Variants in KAT6A observed in about 807,000 individuals in gnomAD.
KAT6A encodes the protein lysine acetyltransferase 6A.
KAT6A carries 9 observed loss-of-function variants against 198.4 expected under a neutral mutation model. The ratio of observed to expected loss-of-function variants is 0.05; its 90% CI spans 0.03 to 0.08. The LOEUF (loss-of-function observed/expected upper bound fraction) is 0.08, where lower values mean the gene tolerates loss of function less well. Ranked by LOEUF, KAT6A falls within the 10% of genes least tolerant of loss-of-function variation. The pLI is 1.00. For missense variants in KAT6A, 2,077 were observed against 2,509.9 expected, an observed-to-expected ratio of 0.83 and a Z score of 3.69; for synonymous variants, 890 against 883.0, an observed-to-expected ratio of 1.01 and a Z score of -0.14.
chr8:41,991,836 G>T (rs1488197802), intron 2 of KAT6A, among the ~76,000 whole-genome samples: 1 of 151,952 alleles, frequency 6.6e-6, no homozygotes, highest in African/African-American at 2.4e-5. Flanking sequence ...TACAGAAATG[G>T]GATAAAGACT....
Position 41,930,034 on chromosome 8 carries a change from C to A in KAT6A, c.*2171G>T, listed in dbSNP as rs1821446959. Reference sequence around the variant, plus strand: ...CCAATATTACTGTGTTGGATAATTTCTTTTATAATATAGAAAAGAACTTTT... The same window carrying A: ...CCAATATTACTGTGTTGGATAATTTATTTTATAATATAGAAAAGAACTTTT... On this transcript the variant is annotated 3_prime_UTR_variant, in exon 17 of 17. Coordinates refer to ENST00000265713, the MANE Select transcript of KAT6A (RefSeq NM_006766.5). 8.9e-6 allele frequency: 2 copies of A among 224,646 alleles called. No individual in the cohort carries two copies. The highest frequency in any genetic ancestry group is 1.3e-4 in the East Asian group (2 of 15,612). The allele number at this position is 224,646 out of a possible 1,614,324, so 13.9% of individuals were successfully genotyped here. A position where few individuals can be genotyped will look rare whatever the true frequency, so the allele number is the denominator to read the frequency against.
In KAT6A at chr8:41,968,241, T is replaced by C. The variant is rs552638018; in HGVS notation, c.1482+6463A>G. ...ACCTACTCTTCTGACAAAGGGCTAA[T>C]ATACAGAATCTACAATGAACTCAAA... On this transcript the variant is annotated intron_variant, in intron 8 of 16. Coordinates refer to ENST00000265713, the MANE Select transcript of KAT6A (RefSeq NM_006766.5). Among the ~76,000 whole-genome samples the C allele has an allele frequency of 6.6e-5, 10 of 152,286 alleles. No individual in the cohort carries two copies. The East Asian group carries it at 7.7e-4, about 12-fold the overall frequency.
intron 6 of KAT6A, 52 bp from the exon 7 acceptor site, chr8:41,977,379 G>C (rs1043210332): frequency 2.2e-6 from 3 of 1,356,624 alleles, no homozygotes; most frequent in African/African-American, 2.9e-5. Flanking sequence ...TACTTGTAAG[G>C]TTCCTTTTTA....
chr8:41,979,713 A>C (rs533731377), intron 5 of KAT6A, among the ~76,000 whole-genome samples: 1 of 148,752 alleles, frequency 6.7e-6, no homozygotes, highest in East Asian at 2.1e-4. Flanking sequence ...TCAGTAAGTG[A>C]ATTCAGGCTG....
At chr8:41,952,792 C>A (rs1003462754) in intron 9 of KAT6A, among the ~76,000 whole-genome samples, 2 of 151,996 alleles carry the variant, frequency 1.3e-5, no homozygotes, top group African/African-American at 4.8e-5. Context: ...ATTTTAGTCA[C>A]CTCAAGTTTC....
chr8:41,969,849 C>G (rs559556641), intron 8 of KAT6A, among the ~76,000 whole-genome samples: 4 of 152,174 alleles, frequency 2.6e-5, no homozygotes, highest in African/African-American at 9.7e-5. Context: ...CTCTTTCACA[C>G]CCTTAGACGT....
chr8:41,972,643 A>T (rs1823854093), intron 8 of KAT6A, among the ~76,000 whole-genome samples: 1 of 152,228 alleles, frequency 6.6e-6, no homozygotes, highest in African/African-American at 2.4e-5. Flanking sequence ...ATGAAAGATA[A>T]AGACTGAGGA....
intron 2 of KAT6A, among the ~76,000 whole-genome samples, chr8:42,035,989 G>C (rs1288731187): frequency 6.6e-6 from 1 of 152,078 alleles, no homozygotes; most frequent in East Asian, 1.9e-4. Context: ...TCCTGAAAAA[G>C]AATGGAGAGA....
At chr8:42,005,086 T>C (rs894654828) in intron 2 of KAT6A, among the ~76,000 whole-genome samples, 25 of 152,182 alleles carry the variant, frequency 1.6e-4, no homozygotes, top group African/African-American at 5.5e-4. Flanking sequence ...TAACAATCCA[T>C]TGTATGACTA....
intron 2 of KAT6A, among the ~76,000 whole-genome samples, chr8:42,009,894 C>CAAAAAAAAAAAAAAAAAAAAAA (rs538642816): frequency 2.0e-5 from 1 of 49,058 alleles, no homozygotes; most frequent in Non-Finnish European, 4.1e-5. Context: ...AGCCCTGTCT[C>CAAAAAAAAAAAAAAAAAAAAAA]AAAAAAAAAA....
At chr8:41,935,452 C>G (rs1821799501) in intron 16 of KAT6A, among the ~76,000 whole-genome samples, 1 of 152,098 alleles carries the variant, frequency 6.6e-6, no homozygotes. Flanking sequence ...AGCTGCAAAG[C>G]ATTTATTTAG....
intron 2 of KAT6A, among the ~76,000 whole-genome samples, chr8:42,041,370 A>G (rs1353913419): frequency 6.6e-6 from 1 of 152,184 alleles, no homozygotes; most frequent in African/African-American, 2.4e-5. Flanking sequence ...TTAGTAACAA[A>G]TTTTTATTTC....
intron 2 of KAT6A, among the ~76,000 whole-genome samples, chr8:42,014,234 G>A (rs1186813516): frequency 6.6e-6 from 1 of 152,156 alleles, no homozygotes; most frequent in African/African-American, 2.4e-5. Flanking sequence ...GACGTGATGT[G>A]TGAGAAAAGA....
At chr8:41,995,543 T>G (rs1267406771) in intron 2 of KAT6A, among the ~76,000 whole-genome samples, 1 of 152,158 alleles carries the variant, frequency 6.6e-6, no homozygotes, top group Non-Finnish European at 1.5e-5. Flanking sequence ...TGCCCAATGC[T>G]CTCTGTTGAA....
intron 2 of KAT6A, among the ~76,000 whole-genome samples, chr8:42,001,954 A>G (rs888382815): frequency 2.6e-5 from 4 of 152,188 alleles, no homozygotes; most frequent in South Asian, 2.1e-4. Flanking sequence ...TTCACTATTT[A>G]CCCCAATTAT....
chr8:41,991,822 G>A (rs1263692233), intron 2 of KAT6A, among the ~76,000 whole-genome samples: 1 of 151,904 alleles, frequency 6.6e-6, no homozygotes, highest in African/African-American at 2.4e-5. Context: ...TAAGGAGAGG[G>A]GAGTACAGAA....
chr8:41,999,412 T>G (rs920229577), intron 2 of KAT6A, among the ~76,000 whole-genome samples: 1 of 152,186 alleles, frequency 6.6e-6, no homozygotes, highest in African/African-American at 2.4e-5. Flanking sequence ...TAGTTTCTTT[T>G]ACATGTTTGT....
At chr8:41,947,519 C>T (rs909155802) in intron 11 of KAT6A, among the ~76,000 whole-genome samples, 2 of 152,106 alleles carry the variant, frequency 1.3e-5, no homozygotes, top group Non-Finnish European at 2.9e-5. Context: ...CATTTAAAAC[C>T]TTCCCCGTGA....
At chr8:41,939,378 T>C (rs564253671) in intron 15 of KAT6A, among the ~76,000 whole-genome samples, 4 of 152,236 alleles carry the variant, frequency 2.6e-5, no homozygotes, top group Non-Finnish European at 5.9e-5. Flanking sequence ...TGCTTCTTTT[T>C]ATTTTTACAG....
Sources: gnomAD v4.1 joint callset for allele counts (sites outside exome capture counted in the v4.1 genomes callset) on GRCh38, gnomAD v4.1.1 for gene constraint, MANE v1.5 for transcripts, NCBI Gene and HGNC (gene_info 2026-07-23, HGNC 2026-07-21) for gene names.